Variants in POU6F2 observed in about 807,000 individuals in gnomAD.
POU6F2 encodes the protein POU class 6 homeobox 2.
In POU6F2, 31 loss-of-function variants were observed where a neutral mutation model predicts 71.3. The ratio of observed to expected loss-of-function variants is 0.43; its 90% CI spans 0.33 to 0.59. The LOEUF (loss-of-function observed/expected upper bound fraction) is 0.59, where lower values mean the gene tolerates loss of function less well. Among genes scored for constraint, POU6F2 ranks in the 20% least tolerant of loss-of-function variants. The pLI, the probability that POU6F2 is intolerant of heterozygous loss-of-function variation, is 0.04. For synonymous variants in POU6F2, 347 were observed against 355.7 expected (o/e 0.98, Z 0.27); for missense variants, 783 against 856.8 (o/e 0.91, Z 1.07).
intron 5 of POU6F2, among the ~76,000 whole-genome samples, chr7:39,367,078 G>A (rs901733326): frequency 3.9e-5 from 6 of 152,198 alleles, no homozygotes; most frequent in Admixed American, 1.3e-4. Flanking sequence ...TCACAAGAAA[G>A]CTTTGGGGTC....
intron 4 of POU6F2, among the ~76,000 whole-genome samples, chr7:39,209,008 A>G (rs191333617): frequency 1.5e-3 from 235 of 152,322 alleles, no homozygotes; most frequent in African/African-American, 5.1e-3. Flanking sequence ...CTCCTAGGCC[A>G]TGAATTAATC....
Position 39,009,340 on chromosome 7 carries a change from A to G in POU6F2, c.105+31282A>G, listed in dbSNP as rs1379999449. Among the ~76,000 whole-genome samples the G allele has an allele frequency of 2.0e-5, 3 of 152,164 alleles. No individual in the cohort carries two copies. The East Asian group carries it at 5.8e-4, about 29-fold the overall frequency. ...CTCTCTGTTTGTCTGTTGTTGGTGT[A>G]TAAGAATGCTTGTGATTTTGTACAT... On this transcript the variant is annotated intron_variant, in intron 1 of 9. Transcript: ENST00000518318.
At chr7:39,041,692 C>T (rs1178565856) in intron 1 of POU6F2, among the ~76,000 whole-genome samples, 1 of 151,186 alleles carries the variant, frequency 6.6e-6, no homozygotes, top group African/African-American at 2.4e-5. Context: ...TTTTTATTTC[C>T]ATCTTATTGA....
At chr7:39,173,471 C>A (rs1054637045) in intron 2 of POU6F2, among the ~76,000 whole-genome samples, 1 of 152,184 alleles carries the variant, frequency 6.6e-6, no homozygotes, top group East Asian at 1.9e-4. Flanking sequence ...GGAGACAGTG[C>A]TCAATAAAAG....
At chr7:39,335,153 T>G (rs1341139317) in intron 4 of POU6F2, among the ~76,000 whole-genome samples, 1 of 151,986 alleles carries the variant, frequency 6.6e-6, no homozygotes, top group Non-Finnish European at 1.5e-5. Flanking sequence ...ATGAATAACA[T>G]GTACCATGGC....
At position 39,123,920 on chromosome 7, in the gene POU6F2, G is replaced by GAATATAAATTGCATAGATGC. The variant is rs567242236; in HGVS notation, c.277+37905_277+37924dup. Among the ~76,000 whole-genome samples the GAATATAAATTGCATAGATGC allele has an allele frequency of 3.9e-4, 59 of 152,058 alleles. No individual in the cohort carries two copies. The East Asian group carries it at 4.6e-3, about 12-fold the overall frequency. On this transcript the variant is annotated intron_variant, in intron 2 of 9. Coordinates refer to ENST00000518318, the MANE Select transcript of POU6F2 (RefSeq NM_001370959.1). ...ACAAAAGTATTTGTATACATATACA[G>GAATATAAATTGCATAGATGC]AATATAAATTGCATAGATGCAATAT...
intron 1 of POU6F2, among the ~76,000 whole-genome samples, chr7:39,029,784 A>G (rs1189104019): frequency 6.6e-6 from 1 of 152,206 alleles, no homozygotes; most frequent in Admixed American, 6.5e-5. Flanking sequence ...TTTTCTGTAT[A>G]CATTAAAATG....
chr7:39,302,281 C>T (rs1376050104), intron 4 of POU6F2, among the ~76,000 whole-genome samples: 1 of 152,146 alleles, frequency 6.6e-6, no homozygotes, highest in African/African-American at 2.4e-5. Context: ...ATCTACCCCA[C>T]CACAGGAATA....
At chr7:39,405,536 CACA>C (rs1272410322) in intron 5 of POU6F2, among the ~76,000 whole-genome samples, 4 of 151,968 alleles carry the variant, frequency 2.6e-5, no homozygotes, top group Non-Finnish European at 5.9e-5. Context: ...TTATTTCCAA[CACA>C]ACAATTGTTG....
intron 4 of POU6F2, among the ~76,000 whole-genome samples, chr7:39,295,593 GAGA>G (rs1784830503): frequency 1.3e-5 from 2 of 152,210 alleles, no homozygotes; most frequent in South Asian, 2.1e-4. Context: ...TCCAGCCTAG[GAGA>G]AGAAGTGAGA....
At chr7:39,155,252 G>T (rs959728717) in intron 2 of POU6F2, among the ~76,000 whole-genome samples, 8 of 150,916 alleles carry the variant, frequency 5.3e-5, no homozygotes, top group Non-Finnish European at 1.2e-4. Flanking sequence ...GAGTTTTTTT[G>T]GGGGGTGGGG....
At position 39,401,771 on chromosome 7, in the gene POU6F2, G is replaced by A. The variant is rs118175063; in HGVS notation, c.973-4829G>A. Among the ~76,000 whole-genome samples, 632 of 152,272 alleles carry A rather than the reference G, an allele frequency of 4.2e-3. 9 individuals carry two copies. The highest frequency in any genetic ancestry group is 0.029 in the East Asian group (152 of 5,180). ...ATCCTCATTTGAAAACAATGACACC[G>A]TAGTCCCAGGGTTCTAAATTGAAAA... is the stretch of plus-strand genomic sequence containing the variant. On this transcript the variant is annotated intron_variant, in intron 5 of 9. Coordinates refer to ENST00000518318, the MANE Select transcript of POU6F2 (RefSeq NM_001370959.1).
At chr7:39,423,137 C>T (rs1787890184) in intron 6 of POU6F2, among the ~76,000 whole-genome samples, 2 of 152,290 alleles carry the variant, frequency 1.3e-5, no homozygotes, top group South Asian at 4.1e-4. Flanking sequence ...AAAGGAGAAA[C>T]TTTAGGAGAT....
At chr7:39,288,498 G>A (rs979830526) in intron 4 of POU6F2, among the ~76,000 whole-genome samples, 2 of 152,202 alleles carry the variant, frequency 1.3e-5, no homozygotes, top group African/African-American at 2.4e-5. Context: ...TCAGCCTTCT[G>A]TTCACGAACA....
chr7:39,462,020 T>C (rs1788960905), intron 9 of POU6F2, among the ~76,000 whole-genome samples: 1 of 152,170 alleles, frequency 6.6e-6, no homozygotes, highest in Non-Finnish European at 1.5e-5. Flanking sequence ...CAGCCACAGG[T>C]TTTTAAGTTG....
At chr7:39,304,861 A>T (rs1400272497) in intron 4 of POU6F2, among the ~76,000 whole-genome samples, 1 of 152,256 alleles carries the variant, frequency 6.6e-6, no homozygotes, top group African/African-American at 2.4e-5. Context: ...CTGAGCGATG[A>T]TTAACCATAG....
At position 39,215,078 on chromosome 7, in the gene POU6F2, C is replaced by T. The variant is rs140051647; in HGVS notation, c.598+7458C>T. On this transcript the variant is annotated intron_variant, in intron 4 of 9. Coordinates refer to ENST00000518318, the MANE Select transcript of POU6F2 (RefSeq NM_001370959.1). ...GCAGGAAGGAGGCCGAAAGTGGTAG[C>T]TCATGCCTGTAATCCCAGCACTTTG... 3.1e-3 allele frequency among the ~76,000 whole-genome samples: 479 copies of T among 152,338 alleles called. 4 individuals carry two copies. The highest frequency in any genetic ancestry group is 0.011 in the African/African-American group (445 of 41,580).
intron 8 of POU6F2, among the ~76,000 whole-genome samples, chr7:39,453,225 C>G (rs565808929): frequency 9.7e-4 from 148 of 152,214 alleles, no homozygotes; most frequent in African/African-American, 3.5e-3. Context: ...TTTAGATATA[C>G]AACCCTCTCC....
At chr7:39,279,846 A>G (rs996191891) in intron 4 of POU6F2, among the ~76,000 whole-genome samples, 201 of 152,222 alleles carry the variant, frequency 1.3e-3, no homozygotes, top group African/African-American at 4.6e-3. Flanking sequence ...TCCCGGGTTC[A>G]AGTGATTCTC....
Sources: gnomAD v4.1 joint callset for allele counts (sites outside exome capture counted in the v4.1 genomes callset) on GRCh38, gnomAD v4.1.1 for gene constraint, MANE v1.5 for transcripts, NCBI Gene and HGNC (gene_info 2026-07-23, HGNC 2026-07-21) for gene names.